LHFPL3: variants seen among roughly 807,000 people sequenced by gnomAD.
LHFPL3 encodes the protein LHFPL tetraspan subfamily member 3.
In LHFPL3, 5 loss-of-function variants were observed where a neutral mutation model predicts 19.3. That is an observed-to-expected ratio of 0.26 (90% CI 0.14 to 0.54). The LOEUF (loss-of-function observed/expected upper bound fraction) is 0.54, where lower values mean the gene tolerates loss of function less well. Ranked by LOEUF, LHFPL3 falls within the 20% of genes least tolerant of loss-of-function variation. The pLI is 0.94. For missense variants in LHFPL3, 249 were observed against 307.4 expected (o/e 0.81, Z 1.42); for synonymous variants, 133 against 126.2 (o/e 1.05, Z -0.36).
chr7:104,618,897 A>G (rs965900195), intron 1 of LHFPL3, among the ~76,000 whole-genome samples: 4 of 152,218 alleles, frequency 2.6e-5, no homozygotes, highest in African/African-American at 9.6e-5. Flanking sequence ...ATGATGTGCA[A>G]TGCCCTCTGC....
At chr7:104,627,641 C>T (rs1216157680) in intron 1 of LHFPL3, among the ~76,000 whole-genome samples, 2 of 152,138 alleles carry the variant, frequency 1.3e-5, no homozygotes, top group East Asian at 1.9e-4. Flanking sequence ...AAACAAGGAC[C>T]CTTTTAGCTT....
chr7:104,773,842 C>A (rs533420589), intron 2 of LHFPL3, among the ~76,000 whole-genome samples: 2 of 151,168 alleles, frequency 1.3e-5, no homozygotes, highest in East Asian at 3.9e-4. Context: ...TGTTCCCTTG[C>A]AGCCCTAAGG....
chr7:104,430,454 ATTTTTTTTTTTTTTTTTT>A (rs1172420054), intron 1 of LHFPL3, among the ~76,000 whole-genome samples: 14 of 15,262 alleles, frequency 9.2e-4, no homozygotes, highest in African/African-American at 3.7e-3. Context: ...ATATATATAT[ATTTTTTTTTTTTTTTTTT>A]TTTTTTTTTT....
intron 1 of LHFPL3, among the ~76,000 whole-genome samples, chr7:104,460,029 G>T (rs954908370): frequency 6.6e-6 from 1 of 151,964 alleles, no homozygotes; most frequent in African/African-American, 2.4e-5. Context: ...CCTCAAGTAG[G>T]CCCCAATGTC....
chr7:104,437,933 GC>G (rs1373411501), intron 1 of LHFPL3, among the ~76,000 whole-genome samples: 1 of 152,142 alleles, frequency 6.6e-6, no homozygotes, highest in Admixed American at 6.5e-5. Context: ...GAGGGATGGA[GC>G]TAAAAGTTCT....
chr7:104,519,585 G>C (rs1165102912), intron 1 of LHFPL3, among the ~76,000 whole-genome samples: 1 of 152,094 alleles, frequency 6.6e-6, no homozygotes, highest in African/African-American at 2.4e-5. Context: ...GCATTTGGTG[G>C]TTTGTTTGCT....
intron 2 of LHFPL3, among the ~76,000 whole-genome samples, chr7:104,751,141 C>CA (rs201048243): frequency 0.99 from 68,080 of 68,788 alleles, 33,903 homozygotes; most frequent in East Asian, 1. Context: ...CCGATTCAAT[C>CA]CAGGCTTTTA....
At chr7:104,692,884 T>C (rs1371147522) in intron 1 of LHFPL3, among the ~76,000 whole-genome samples, 4 of 152,128 alleles carry the variant, frequency 2.6e-5, no homozygotes, top group African/African-American at 9.7e-5. Flanking sequence ...AGGGCTGTGA[T>C]CCTCCAGACC....
chr7:104,329,724 A>G (rs1326915039), intron 1 of LHFPL3, among the ~76,000 whole-genome samples: 2 of 152,126 alleles, frequency 1.3e-5, no homozygotes, highest in Non-Finnish European at 2.9e-5. Flanking sequence ...CGGTGGCTGG[A>G]GTGATACTGT....
At chr7:104,534,749 C>T (rs928967483) in intron 1 of LHFPL3, among the ~76,000 whole-genome samples, 5 of 152,224 alleles carry the variant, frequency 3.3e-5, no homozygotes, top group East Asian at 3.8e-4. Flanking sequence ...TATATCCTCA[C>T]GTAGTCATCA....
intron 1 of LHFPL3, among the ~76,000 whole-genome samples, chr7:104,733,956 G>T (rs1584503734): frequency 6.6e-6 from 1 of 152,094 alleles, no homozygotes; most frequent in African/African-American, 2.4e-5. Context: ...GTCTGTAAAG[G>T]ATTTTATTTC....
intron 1 of LHFPL3, among the ~76,000 whole-genome samples, chr7:104,392,869 G>A (rs117826677): frequency 0.072 from 11,015 of 152,236 alleles, 445 homozygotes; most frequent in East Asian, 0.16. Flanking sequence ...TTCCGAGCCT[G>A]TTATTGGTCT....
At chr7:104,394,073 C>A (rs1321933850) in intron 1 of LHFPL3, among the ~76,000 whole-genome samples, 1 of 152,172 alleles carries the variant, frequency 6.6e-6, no homozygotes, top group Non-Finnish European at 1.5e-5. Flanking sequence ...AATTTGTACA[C>A]TTTAAAAGAA....
chr7:104,598,921 C>T (rs1180657108), intron 1 of LHFPL3, among the ~76,000 whole-genome samples: 1 of 139,270 alleles, frequency 7.2e-6, no homozygotes, highest in Non-Finnish European at 1.6e-5. Flanking sequence ...GACTAGACAA[C>T]AGGTATCATT....
At chr7:104,552,675 G>GA (rs1794683700) in intron 1 of LHFPL3, among the ~76,000 whole-genome samples, 1 of 152,180 alleles carries the variant, frequency 6.6e-6, no homozygotes, top group Admixed American at 6.5e-5. Flanking sequence ...GATAGTGCAT[G>GA]AATTACCTGT....
At chr7:104,508,244 T>C (rs985188419) in intron 1 of LHFPL3, among the ~76,000 whole-genome samples, 72 of 151,550 alleles carry the variant, frequency 4.8e-4, no homozygotes, top group African/African-American at 1.7e-3. Context: ...ATTAAGAAAA[T>C]GTGGCACATA....
chr7:104,682,416 A>C (rs1186242582), intron 1 of LHFPL3, among the ~76,000 whole-genome samples: 2 of 152,232 alleles, frequency 1.3e-5, no homozygotes, highest in African/African-American at 4.8e-5. Flanking sequence ...GGTGACTCAT[A>C]GACACGTTAA....
intron 1 of LHFPL3, among the ~76,000 whole-genome samples, chr7:104,712,243 T>G (rs904158150): frequency 1.3e-5 from 2 of 152,210 alleles, no homozygotes; most frequent in African/African-American, 4.8e-5. Context: ...CAAAGTGCCA[T>G]GGACTGGGTG....
intron 2 of LHFPL3, among the ~76,000 whole-genome samples, chr7:104,894,037 G>A (rs1000865350): frequency 1.3e-5 from 2 of 151,940 alleles, no homozygotes; most frequent in Non-Finnish European, 1.5e-5. Flanking sequence ...GTGCACAGCA[G>A]AGAAAGAAGT....
Sources: allele counts gnomAD v4.1 joint callset (sites outside exome capture counted in the v4.1 genomes callset), GRCh38; gene constraint gnomAD v4.1.1; transcripts MANE v1.5; gene names NCBI Gene and HGNC (gene_info 2026-07-23, HGNC 2026-07-21).